Variants in INIP observed in about 807,000 individuals in gnomAD.
INIP encodes SOSS complex subunit C.
In INIP, 9 loss-of-function variants were observed where a neutral mutation model predicts 14.0. The ratio of observed to expected loss-of-function variants is 0.64; its 90% CI spans 0.39 to 1.12. INIP has a LOEUF of 1.12. Ranked by LOEUF, INIP falls within the 50% of genes most tolerant of loss-of-function variation. The pLI is 0.01. For missense variants in INIP, 78 were observed against 122.7 expected, an observed-to-expected ratio of 0.64 and a Z score of 1.72; for synonymous variants, 37 against 41.5, an observed-to-expected ratio of 0.89 and a Z score of 0.41.
chr9:112,708,076 GATCA>G (rs1481574531), intron 2 of INIP, among the ~76,000 whole-genome samples: 1 of 152,160 alleles, frequency 6.6e-6, no homozygotes, highest in Non-Finnish European at 1.5e-5. Context: ...TGAAAATAGA[GATCA>G]ATCAAATAAT....
Position 112,693,014 on chromosome 9 carries a change from G to C in INIP, c.128+1117C>G, listed in dbSNP as rs533097838. 2.9e-5 allele frequency among the ~76,000 whole-genome samples: 4 copies of C among 136,228 alleles called. No individual in the cohort carries two copies. The Admixed American group carries it at 3.0e-4, about 10-fold the overall frequency. 89.4% of individuals were successfully genotyped at this position (136,228 alleles called of 152,430 possible). A position where few individuals can be genotyped will look rare whatever the true frequency, so the allele number is the denominator to read the frequency against. On this transcript the variant is annotated intron_variant, in intron 3 of 4. Transcript: ENST00000374242. ...ACTCCACTCCACTCTAGGTGACAGA[G>C]TTAGACCCTGTCTCAAAAAAAAAAA...
At chr9:112,699,147 A>G (rs1362025996) in intron 2 of INIP, among the ~76,000 whole-genome samples, 1 of 151,756 alleles carries the variant, frequency 6.6e-6, no homozygotes, top group African/African-American at 2.4e-5. Flanking sequence ...GCAAGACCCT[A>G]TCTCTTAAAA....
intron 2 of INIP, among the ~76,000 whole-genome samples, chr9:112,714,139 A>G (rs1050610720): frequency 2.0e-5 from 3 of 152,226 alleles, no homozygotes; most frequent in Non-Finnish European, 2.9e-5. Context: ...CTACCCCACA[A>G]TAACAAGGAA....
chr9:112,711,303 C>T (rs940148557), intron 2 of INIP, among the ~76,000 whole-genome samples: 1 of 152,156 alleles, frequency 6.6e-6, no homozygotes, highest in Non-Finnish European at 1.5e-5. Flanking sequence ...CTAGTAGCAG[C>T]AGTTCCATGA....
At chr9:112,694,776 C>T (rs1838016872) in intron 2 of INIP, among the ~76,000 whole-genome samples, 1 of 152,174 alleles carries the variant, frequency 6.6e-6, no homozygotes, top group Non-Finnish European at 1.5e-5. Flanking sequence ...TTTCAAGGAA[C>T]ATGTCAAAGA....
At chr9:112,715,121 TACATACATACATACACAC>T (rs1464663980) in intron 2 of INIP, among the ~76,000 whole-genome samples, 3 of 106,826 alleles carry the variant, frequency 2.8e-5, no homozygotes, top group African/African-American at 1.1e-4. Flanking sequence ...AATACACACA[TACATACATACATACACAC>T]ACACACACAC....
chr9:112,693,278 G>T (rs545206368), intron 3 of INIP, among the ~76,000 whole-genome samples: 1 of 152,130 alleles, frequency 6.6e-6, no homozygotes, highest in African/African-American at 2.4e-5. Flanking sequence ...GCAGCAAACT[G>T]AGGAAAAGCT....
chr9:112,699,145 CTA>C (rs1383484261), intron 2 of INIP, among the ~76,000 whole-genome samples: 3 of 151,704 alleles, frequency 2.0e-5, no homozygotes, highest in African/African-American at 7.3e-5. Context: ...TAGCAAGACC[CTA>C]TCTCTTAAAA....
Position 112,687,525 on chromosome 9 carries a change from G to T in INIP, c.*13C>A. 1 of 1,536,284 alleles carries T rather than the reference G, an allele frequency of 6.5e-7. No homozygotes were observed. Among genetic ancestry groups the T allele is most frequent in the Non-Finnish European group, 9.0e-7 (1 of 1,111,642 alleles). ...GATATTACAAAGTCACTTTTCCATC[G>T]CAAATGTTTTCTTCATTCTGGGTCA... On this transcript the variant is annotated 3_prime_UTR_variant, in exon 5 of 5. Coordinates refer to ENST00000374242, the MANE Select transcript of INIP (RefSeq NM_021218.3).
intron 2 of INIP, among the ~76,000 whole-genome samples, chr9:112,703,096 A>G (rs1284858967): frequency 1.3e-5 from 2 of 152,122 alleles, no homozygotes; most frequent in Admixed American, 6.5e-5. Context: ...AATTCATTCT[A>G]CCCCCTCCTC....
chr9:112,692,144 A>G (rs899262998), intron 3 of INIP, among the ~76,000 whole-genome samples: 17 of 152,180 alleles, frequency 1.1e-4, no homozygotes, highest in African/African-American at 3.9e-4. Flanking sequence ...AGGCAAGAAC[A>G]TTTTCTTTGA....
intron 3 of INIP, among the ~76,000 whole-genome samples, chr9:112,692,293 T>C (rs1837917378): frequency 6.6e-6 from 1 of 152,058 alleles, no homozygotes; most frequent in Non-Finnish European, 1.5e-5. Context: ...TGGATCTTTT[T>C]TGTTTGTTTG....
At chr9:112,687,723 G>C (rs1424208424) in intron 4 of INIP, 90 bp from the exon 5 acceptor site, 3 of 605,808 alleles carry the variant, frequency 5.0e-6, no homozygotes, top group Non-Finnish European at 8.5e-6. Context: ...CTTTCTGAAT[G>C]CTTGAGACCA....
At chr9:112,694,288 A>G in intron 2 of INIP, 55 bp from the exon 3 acceptor site, 3 of 1,035,214 alleles carry the variant, frequency 2.9e-6, no homozygotes, top group Non-Finnish European at 4.4e-6. Flanking sequence ...AATCAGAAAC[A>G]TTTTAGACCT....
In INIP at chr9:112,694,112, C is replaced by A. The variant is rs1348431695; in HGVS notation, c.128+19G>T. The A allele has an allele frequency of 1.4e-6, 2 of 1,448,042 alleles. No individual in the cohort carries two copies. The highest frequency in any genetic ancestry group is 2.4e-5 in the South Asian group (2 of 82,306). 89.7% of individuals were successfully genotyped at this position (1,448,042 alleles called of 1,614,324 possible). On this transcript the variant is annotated intron_variant, in intron 3 of 4. Coordinates refer to ENST00000374242, the MANE Select transcript of INIP (RefSeq NM_021218.3). ...AACAAAACAAAACAAACAAAAAACC[C>A]ACATTATAGTGTCAATACCTAGCTC... is the stretch of plus-strand genomic sequence containing the variant.
intron 2 of INIP, chr9:112,701,773 G>GT (rs1838307766): frequency 1.3e-5 from 2 of 152,062 alleles, no homozygotes; most frequent in Non-Finnish European, 2.9e-5. Flanking sequence ...TATAAAATAG[G>GT]GCCAGGTGGC....
chr9:112,705,921 A>C (rs1305064404), intron 2 of INIP, among the ~76,000 whole-genome samples: 1 of 152,170 alleles, frequency 6.6e-6, no homozygotes, highest in Admixed American at 6.5e-5. Context: ...GGAGCTACTC[A>C]GAGTATTTAG....
At chr9:112,692,032 AAAAG>A (rs151095979) in intron 3 of INIP, among the ~76,000 whole-genome samples, 5,032 of 152,132 alleles carry the variant, frequency 0.033, 168 homozygotes, top group East Asian at 0.14. Context: ...GAAAAAAAAG[AAAAG>A]AAAGAAAGTG....
intron 2 of INIP, among the ~76,000 whole-genome samples, chr9:112,700,579 AAT>A (rs1219120920): frequency 6.8e-6 from 1 of 147,652 alleles, no homozygotes; most frequent in Non-Finnish European, 1.5e-5. Context: ...TAATATAAAG[AAT>A]ATTATATAAA....
Sources: gnomAD v4.1 joint callset for allele counts (sites outside exome capture counted in the v4.1 genomes callset) on GRCh38, gnomAD v4.1.1 for gene constraint, MANE v1.5 for transcripts, NCBI Gene and HGNC (gene_info 2026-07-23, HGNC 2026-07-21) for gene names.